The following RIPOR3 variants were observed in gnomAD, a reference collection of about 807,000 sequenced individuals.
RIPOR3 encodes RIPOR family member 3, also known as family with sequence similarity 65 member C.
RIPOR3 carries 95 observed loss-of-function variants against 114.3 expected under a neutral mutation model. That is an observed-to-expected ratio of 0.83 (90% CI 0.70 to 0.99). RIPOR3 has a LOEUF of 0.99. Among genes scored for constraint, RIPOR3 ranks in the 50% least tolerant of loss-of-function variants. The pLI is 0.00. For synonymous variants in RIPOR3, 575 were observed against 543.8 expected (o/e 1.06, Z -0.80); for missense variants, 1,252 against 1,266.9 (o/e 0.99, Z 0.18).
At chr20:50,589,807 C>T in intron 19 of RIPOR3, 38 bp from the exon 20 acceptor site, 1 of 1,587,772 alleles carries the variant, frequency 6.3e-7, no homozygotes, top group Non-Finnish European at 8.6e-7. Context: ...GAGGGGTAAG[C>T]AGAAGTGGAG....
At chr20:50,687,790 C>T (rs912364490) in intron 1 of RIPOR3, among the ~76,000 whole-genome samples, 1 of 151,802 alleles carries the variant, frequency 6.6e-6, no homozygotes, top group African/African-American at 2.4e-5. Context: ...GTAATCCTAG[C>T]TATTTGGGAA....
intron 2 of RIPOR3, among the ~76,000 whole-genome samples, chr20:50,622,646 T>TCCCAA (rs2084459238): frequency 3.3e-5 from 5 of 150,776 alleles, no homozygotes; most frequent in Admixed American, 2.7e-4. Flanking sequence ...GAAGCAGACC[T>TCCCAA]CCCAACACAC....
Position 50,592,539 on chromosome 20 carries a change from G to A in RIPOR3, c.2382C>T (p.Leu794=), listed in dbSNP as rs1339601147. Residue 794 remains leucine, a synonymous_variant, in exon 19 of 22, where the codon CTC becomes CTT. Coordinates refer to ENST00000327979, the MANE Select transcript of RIPOR3 (RefSeq NM_001290268.2). ...GTCCCGCACAGTGAAGCTCCTCGAT[G>A]AGTGTCACTAGAAGACAGGAAAGAG... ...HFTQLTKEVT[L]IEELHCAGQA... The A allele has an allele frequency of 1.9e-6, 3 of 1,556,538 alleles. No homozygotes were observed. The East Asian group carries it at 7.0e-5, about 36-fold the overall frequency.
intron 13 of RIPOR3, 118 bp from the exon 14 acceptor site, chr20:50,597,828 A>C: frequency 7.0e-7 from 1 of 1,423,206 alleles, no homozygotes; most frequent in Non-Finnish European, 9.4e-7. Context: ...CCCCAATCCC[A>C]CACACCGTCC....
chr20:50,633,821 C>G (rs1302235311), intron 1 of RIPOR3, among the ~76,000 whole-genome samples: 3 of 152,164 alleles, frequency 2.0e-5, no homozygotes, highest in Non-Finnish European at 2.9e-5. Flanking sequence ...AGGCTCGGAG[C>G]AGACCTGCAG....
intron 11 of RIPOR3, among the ~76,000 whole-genome samples, chr20:50,606,388 C>T (rs1193688403): frequency 5.9e-5 from 9 of 152,130 alleles, no homozygotes; most frequent in African/African-American, 1.2e-4. Flanking sequence ...GGCCAATTAA[C>T]GCAATCTTCC....
intron 1 of RIPOR3, among the ~76,000 whole-genome samples, chr20:50,641,155 C>T (rs2123326507): frequency 6.6e-6 from 1 of 152,204 alleles, no homozygotes; most frequent in Admixed American, 6.5e-5. Context: ...AGGTAATCCG[C>T]CTGCCTCGGC....
rs550111698 is a variant in RIPOR3, at chr20:50,656,056, A to G, written c.4-25200T>C. ...GGAGTCTCACTGTTGCCCAGGCTGG[A>G]GTGCAGTAGCATGCGATCTTGGCTC... On this transcript the variant is annotated intron_variant, in intron 1 of 21. Transcript: ENST00000327979. Among the ~76,000 whole-genome samples the G allele has an allele frequency of 3.3e-5, 5 of 150,138 alleles. No homozygotes were observed. In the South Asian group the frequency reaches 1.1e-3, roughly 32 times the overall value.
At position 50,691,222 on chromosome 20, in the gene RIPOR3, G is replaced by T; in HGVS notation, c.-94C>A. The T allele has an allele frequency of 2.3e-6, 3 of 1,284,756 alleles. No individual in the cohort carries two copies. In the South Asian group the frequency reaches 3.7e-5, roughly 16 times the overall value. The allele number at this position is 1,284,756 out of a possible 1,614,324, so 79.6% of individuals were successfully genotyped here. The stretch of plus-strand genomic sequence containing the variant: ...CGCCAGCAAGCGTCTGCTCCCATCT[G>T]GCCCGGGACTCCCGGACTCGAGCTA... On this transcript the variant is annotated 5_prime_UTR_variant, in exon 1 of 22. Transcript: ENST00000327979.
intron 1 of RIPOR3, among the ~76,000 whole-genome samples, chr20:50,641,568 A>C (rs1264674818): frequency 4.6e-5 from 7 of 152,112 alleles, no homozygotes; most frequent in South Asian, 4.1e-4. Flanking sequence ...TGGAAGGGCC[A>C]CTGCAGGCCA....
intron 19 of RIPOR3, among the ~76,000 whole-genome samples, chr20:50,592,041 C>A (rs909872296): frequency 6.6e-6 from 1 of 152,092 alleles, no homozygotes; most frequent in Non-Finnish European, 1.5e-5. Context: ...GTTGCAAGAT[C>A]GTGGCACTGG....
At chr20:50,643,062 A>C (rs1242877833) in intron 1 of RIPOR3, among the ~76,000 whole-genome samples, 4 of 151,478 alleles carry the variant, frequency 2.6e-5, no homozygotes, top group African/African-American at 9.7e-5. Context: ...AAAAAAACCC[A>C]AAAAGAATAG....
intron 1 of RIPOR3, among the ~76,000 whole-genome samples, chr20:50,649,960 G>A (rs1457037355): frequency 6.6e-6 from 1 of 152,202 alleles, no homozygotes; most frequent in African/African-American, 2.4e-5. Flanking sequence ...TGGGTGAAAT[G>A]GGGATACAGG....
rs1387047414 is a variant in RIPOR3, at chr20:50,592,358, T to G, written c.2563A>C (p.Ser855Arg). ...ARLAGAVRNR[S>R]FREKALLFYT... is the part of the protein sequence containing the mutation. ...GGACAACGTACCTTTTCCCGGAAGCTTCTGTTCCTGACTGCACCAGCCAGG... is the reference window on the plus strand; with the variant it reads ...GGACAACGTACCTTTTCCCGGAAGCGTCTGTTCCTGACTGCACCAGCCAGG... Residue 855 changes from serine (S) to arginine (R), a missense_variant, in exon 19 of 22, where the codon AGC becomes CGC. Coordinates refer to ENST00000327979, the MANE Select transcript of RIPOR3 (RefSeq NM_001290268.2). The G allele has an allele frequency of 6.3e-7, 1 of 1,580,214 alleles. No individual in the cohort carries two copies. The highest frequency in any genetic ancestry group is 8.6e-7 in the Non-Finnish European group (1 of 1,159,064).
At chr20:50,687,347 G>T (rs991776695) in intron 1 of RIPOR3, among the ~76,000 whole-genome samples, 2 of 152,252 alleles carry the variant, frequency 1.3e-5, no homozygotes, top group African/African-American at 4.8e-5. Context: ...GCTGGTTTAA[G>T]TGAGATGGGG....
chr20:50,607,163 G>C (rs2083753610), intron 11 of RIPOR3, among the ~76,000 whole-genome samples: 2 of 152,174 alleles, frequency 1.3e-5, no homozygotes, highest in Non-Finnish European at 2.9e-5. Flanking sequence ...CCCTCCACCA[G>C]TAACAACTGG....
intron 1 of RIPOR3, among the ~76,000 whole-genome samples, chr20:50,667,286 C>CTTTTTTTTTTTTTTTTTTTTTTTTT: frequency 1.5e-5 from 1 of 67,538 alleles, no homozygotes; most frequent in Non-Finnish European, 2.8e-5. Context: ...CTTTAAACTA[C>CTTTTTTTTTTTTTTTTTTTTTTTTT]TTTTTTTTTT....
At chr20:50,689,169 CTTCTTTTT>C (rs1450060130) in intron 1 of RIPOR3, among the ~76,000 whole-genome samples, 1 of 126,196 alleles carries the variant, frequency 7.9e-6, no homozygotes, top group East Asian at 2.7e-4. Flanking sequence ...CCTCTCCAAA[CTTCTTTTT>C]TTTTTTTTTT....
At chr20:50,670,220 A>C (rs1033304745) in intron 1 of RIPOR3, among the ~76,000 whole-genome samples, 5 of 151,726 alleles carry the variant, frequency 3.3e-5, no homozygotes, top group Non-Finnish European at 7.4e-5. Flanking sequence ...CAAGTCAACC[A>C]GGCAGGCGGA....
Sources: allele counts gnomAD v4.1 joint callset (sites outside exome capture counted in the v4.1 genomes callset), GRCh38; gene constraint gnomAD v4.1.1; transcripts MANE v1.5; gene names NCBI Gene and HGNC (gene_info 2026-07-23, HGNC 2026-07-21).